The following CXADR variants were observed in gnomAD, a reference collection of about 807,000 sequenced individuals.
CXADR encodes the protein coxsackievirus and adenovirus receptor.
Under a neutral mutation model 40.3 loss-of-function variants are expected in CXADR, and 20 were observed. That is an observed-to-expected ratio of 0.50 (90% CI 0.35 to 0.72). CXADR has a LOEUF of 0.72. CXADR is among the 30% of genes least tolerant of loss of function. The pLI is 0.01. For missense variants in CXADR, 332 were observed against 449.1 expected (o/e 0.74, Z 2.36); for synonymous variants, 150 against 161.3 (o/e 0.93, Z 0.53).
chr21:17,562,679 A>C (rs932188585), intron 6 of CXADR, among the ~76,000 whole-genome samples: 1 of 152,210 alleles, frequency 6.6e-6, no homozygotes, highest in Non-Finnish European at 1.5e-5. Context: ...TCTCTATTGA[A>C]AATCTGTTAC....
At chr21:17,605,124 G>A in the CXADR span, 1 of 1,068,048 alleles carries the variant, frequency 9.4e-7, no homozygotes, top group Non-Finnish European at 1.3e-6. Context: ...AGAGAACCTA[G>A]GAGCATATCT....
chr21:17,552,547 T>C (rs1372411376), intron 3 of CXADR, among the ~76,000 whole-genome samples: 1 of 151,982 alleles, frequency 6.6e-6, no homozygotes, highest in Non-Finnish European at 1.5e-5. Flanking sequence ...CTTCTCTAGA[T>C]TCTGTGATAA....
At chr21:17,584,074 G>C (rs1451964170) in intron 7 of CXADR, among the ~76,000 whole-genome samples, 1 of 152,178 alleles carries the variant, frequency 6.6e-6, no homozygotes, top group Non-Finnish European at 1.5e-5. Flanking sequence ...AATCAACTCA[G>C]GTGGGAAAGA....
the CXADR span, chr21:17,604,249 T>A: frequency 2.4e-6 from 1 of 412,994 alleles, no homozygotes; most frequent in South Asian, 2.5e-5. Context: ...GAGAGCAGTC[T>A]GGCCAACATG....
the CXADR span, among the ~76,000 whole-genome samples, chr21:17,626,140 T>A: frequency 6.6e-6 from 1 of 152,226 alleles, no homozygotes; most frequent in Middle Eastern, 3.2e-3. Context: ...CTTTTCTTTC[T>A]TCATGGGCAT....
intron 7 of CXADR, among the ~76,000 whole-genome samples, chr21:17,577,455 TTTTTAA>T (rs1448811266): frequency 1.3e-5 from 2 of 152,030 alleles, no homozygotes; most frequent in African/African-American, 4.8e-5. Flanking sequence ...CTAGAGATTG[TTTTTAA>T]TTTTATGTCA....
chr21:17,549,461 T>G (rs1331821643), intron 2 of CXADR, among the ~76,000 whole-genome samples: 1 of 152,224 alleles, frequency 6.6e-6, no homozygotes, highest in African/African-American at 2.4e-5. Flanking sequence ...ATGATAATCA[T>G]GTACTGTGCC....
chr21:17,633,486 CG>C, the CXADR span, among the ~76,000 whole-genome samples: 1 of 152,060 alleles, frequency 6.6e-6, no homozygotes, highest in Non-Finnish European at 1.5e-5. Flanking sequence ...TTGAGCTGGG[CG>C]GAGGCTGCAG....
intron 1 of CXADR, among the ~76,000 whole-genome samples, chr21:17,513,683 A>G (rs184007977): frequency 4.6e-5 from 7 of 152,304 alleles, no homozygotes; most frequent in Admixed American, 1.3e-4. Flanking sequence ...CGGCCAGGCT[A>G]CCTCTAGGAA....
downstream of CXADR, among the ~76,000 whole-genome samples, chr21:17,594,839 A>G (rs914253892): frequency 6.6e-5 from 10 of 152,016 alleles, no homozygotes; most frequent in Middle Eastern, 3.2e-3. Context: ...ATTGGAGTCT[A>G]TTTGAGAGGG....
At chr21:17,627,070 G>A in the CXADR span, 1 of 152,304 alleles carries the variant, frequency 6.6e-6, no homozygotes, top group Non-Finnish European at 1.5e-5. Context: ...TTAAGAACTG[G>A]AGTAGGCCAG....
the CXADR span, chr21:17,605,015 T>C: frequency 1.9e-6 from 3 of 1,611,176 alleles, no homozygotes; most frequent in Non-Finnish European, 2.5e-6. Flanking sequence ...AAAGTGGAGT[T>C]ACGTTAATGG....
chr21:17,580,701 C>A (rs1170864723), intron 7 of CXADR, among the ~76,000 whole-genome samples: 1 of 152,148 alleles, frequency 6.6e-6, no homozygotes, highest in Admixed American at 6.5e-5. Context: ...ATTATACTTA[C>A]TCTATCCTTA....
rs150616891 is a variant in CXADR at position 17,522,391 on chromosome 21, G to A, written c.43+9219G>A. Among the ~76,000 whole-genome samples the A allele has an allele frequency of 5.7e-3, 870 of 152,070 alleles. 34 individuals carry two copies. In the East Asian group the frequency reaches 0.11, roughly 19 times the overall value. ...GTGAACTCCCGACCTCAGGTGATCC[G>A]CCCGCCTCGGCCTCCGAAAGTGCTG... On this transcript the variant is annotated intron_variant, in intron 1 of 6. Transcript: ENST00000284878.
chr21:17,624,530 C>T, the CXADR span, among the ~76,000 whole-genome samples: 1 of 152,198 alleles, frequency 6.6e-6, no homozygotes. Context: ...TGGAATCTCT[C>T]TGATTTTTCC....
At position 17,547,089 on chromosome 21, in the gene CXADR, A is replaced by G. The variant is rs1354395480; in HGVS notation, c.106A>G (p.Thr36Ala). The change falls in exon 2 of 7, where the codon ACT (threonine) becomes GCT (alanine). Residue 36 changes from threonine (T) to alanine (A), a missense_variant. Thr to Ala is a moderately conservative substitution (Grantham distance 58, BLOSUM62 0). Coordinates refer to ENST00000284878, the MANE Select transcript of CXADR (RefSeq NM_001338.5). ...EEMIEKAKGE[T>A]AYLPCKFTLS... Reference sequence around the variant, plus strand: ...GATGATTGAAAAAGCCAAAGGGGAAACTGCCTATCTGCCATGCAAATTTAC... The same window carrying G: ...GATGATTGAAAAAGCCAAAGGGGAAGCTGCCTATCTGCCATGCAAATTTAC... The G allele has an allele frequency of 1.2e-6, 2 of 1,613,962 alleles. No individual in the cohort carries two copies. The highest frequency in any genetic ancestry group is 3.3e-5 in the Admixed American group (2 of 60,026).
intron 1 of CXADR, among the ~76,000 whole-genome samples, chr21:17,534,081 CATATAT>C (rs1166831925): frequency 6.2e-4 from 30 of 48,404 alleles, no homozygotes; most frequent in African/African-American, 1.9e-3. Flanking sequence ...CACACACACA[CATATAT>C]ATATATATAT....
Position 17,569,423 on chromosome 21 carries a change from G to A in CXADR, c.*3731G>A, listed in dbSNP as rs1337367682. ...CATTCCTGTGTTTAGTAGTGTAAATGTTCTGGGCAAGTTTTAATATTTTGA... is the reference window on the plus strand; with the variant it reads ...CATTCCTGTGTTTAGTAGTGTAAATATTCTGGGCAAGTTTTAATATTTTGA... On this transcript the variant is annotated 3_prime_UTR_variant, in exon 7 of 7. Coordinates refer to ENST00000284878, the MANE Select transcript of CXADR (RefSeq NM_001338.5). 3.0e-6 allele frequency: 3 copies of A among 984,780 alleles called. No homozygotes were observed. Among genetic ancestry groups the A allele is most frequent in the East Asian group, 1.1e-4 (1 of 8,818 alleles). 61.0% of individuals were successfully genotyped at this position (984,780 alleles called of 1,614,324 possible).
the CXADR span, among the ~76,000 whole-genome samples, chr21:17,628,892 A>G: frequency 6.6e-6 from 1 of 152,158 alleles, no homozygotes; most frequent in South Asian, 2.1e-4. Flanking sequence ...GAGACCTTCA[A>G]CTGATTAGAG....
Sources: allele counts gnomAD v4.1 joint callset (sites outside exome capture counted in the v4.1 genomes callset), GRCh38; gene constraint gnomAD v4.1.1; transcripts MANE v1.5; gene names NCBI Gene and HGNC (gene_info 2026-07-23, HGNC 2026-07-21).